Variants in SLC38A10 observed in about 807,000 individuals in gnomAD.
The protein encoded by SLC38A10 is solute carrier family 38 member 10, also known as Sodium-coupled neutral amino acid transporter 10.
In SLC38A10, 53 loss-of-function variants were observed where a neutral mutation model predicts 81.0. That is an observed-to-expected ratio of 0.65 (90% CI 0.53 to 0.82). The LOEUF is 0.82. Ranked by LOEUF, SLC38A10 falls within the 40% of genes least tolerant of loss-of-function variation. The probability of loss-of-function intolerance (pLI) is 0.00; values close to 1 mark genes in which losing one functional copy is unlikely to be tolerated. For missense variants in SLC38A10, 1,471 were observed against 1,545.0 expected (o/e 0.95, Z 0.80); for synonymous variants, 665 against 655.3 (o/e 1.01, Z -0.23).
chr17:81,248,531 A>G (rs6565548), intron 14 of SLC38A10, among the ~76,000 whole-genome samples: 79,941 of 152,238 alleles, frequency 0.53, 23,689 homozygotes, highest in African/African-American at 0.81. Flanking sequence ...AGCGGCTGTG[A>G]CTTATGTCAT....
intron 11 of SLC38A10, among the ~76,000 whole-genome samples, chr17:81,257,908 A>C (rs1157197720): frequency 6.6e-6 from 1 of 152,272 alleles, no homozygotes; most frequent in Non-Finnish European, 1.5e-5. Flanking sequence ...GGGGACCTGC[A>C]GCTCCAAGAA....
chr17:81,260,484 G>A, intron 10 of SLC38A10, 90 bp from the exon 11 acceptor site: 1 of 1,461,874 alleles, frequency 6.8e-7, no homozygotes, highest in Non-Finnish European at 9.1e-7. Context: ...GAGGCTCAGG[G>A]ACGGGGTGAG....
intron 8 of SLC38A10, among the ~76,000 whole-genome samples, chr17:81,275,350 C>T (rs961115446): frequency 5.3e-5 from 8 of 152,174 alleles, no homozygotes; most frequent in Non-Finnish European, 1.0e-4. Flanking sequence ...CAGGCACCAC[C>T]AATATGGCCT....
chr17:81,251,935 G>A (rs569648335), intron 13 of SLC38A10: 65 of 565,284 alleles, frequency 1.1e-4, no homozygotes, highest in African/African-American at 1.0e-3. Flanking sequence ...CCCCGTGTGC[G>A]CCCAGACACA....
intron 11 of SLC38A10, among the ~76,000 whole-genome samples, chr17:81,258,154 C>T (rs1476842082): frequency 1.3e-5 from 2 of 152,142 alleles, no homozygotes; most frequent in South Asian, 2.1e-4. Flanking sequence ...CCCAGGGCCA[C>T]GCAGGACTCT....
At chr17:81,272,140 C>G (rs1293727639) in intron 9 of SLC38A10, among the ~76,000 whole-genome samples, 1 of 151,874 alleles carries the variant, frequency 6.6e-6, no homozygotes, top group African/African-American at 2.4e-5. Flanking sequence ...TCAAGTGATT[C>G]TTTTGCCTCA....
At chr17:81,251,006 T>C (rs1281599795) in intron 14 of SLC38A10, 5 of 1,387,250 alleles carry the variant, frequency 3.6e-6, no homozygotes, top group Non-Finnish European at 4.7e-6. Context: ...AGCAGTGCTC[T>C]GGGCCAGGGC....
intron 5 of SLC38A10, among the ~76,000 whole-genome samples, 166 bp from the exon 6 acceptor site, chr17:81,280,899 A>G (rs1462302359): frequency 7.2e-6 from 1 of 139,698 alleles, no homozygotes; most frequent in Non-Finnish European, 1.6e-5. Context: ...TTGTGCCGCC[A>G]GCTGGAGGCA....
At chr17:81,262,880 A>G (rs2063035684) in intron 10 of SLC38A10, 1 of 152,248 alleles carries the variant, frequency 6.6e-6, no homozygotes, top group African/African-American at 2.4e-5. Context: ...AAACATCTCC[A>G]TGACTATAAT....
At chr17:81,255,073 C>T (rs554624654) in intron 11 of SLC38A10, among the ~76,000 whole-genome samples, 234 of 152,380 alleles carry the variant, frequency 1.5e-3, no homozygotes, top group Non-Finnish European at 2.6e-3. Flanking sequence ...GTGCAGGAGC[C>T]GCGGGACGGG....
At chr17:81,273,154 C>T (rs569029341) in intron 8 of SLC38A10, among the ~76,000 whole-genome samples, 1 of 152,322 alleles carries the variant, frequency 6.6e-6, no homozygotes, top group South Asian at 2.1e-4. Context: ...GAGAAGGGCA[C>T]GATGAGGCCC....
intron 11 of SLC38A10, among the ~76,000 whole-genome samples, chr17:81,257,374 G>A (rs559543398): frequency 7.8e-4 from 118 of 152,174 alleles, no homozygotes; most frequent in Non-Finnish European, 7.9e-4. Flanking sequence ...GAGATTCCAG[G>A]TGTGAGCTGC....
At position 81,253,256 on chromosome 17, in the gene SLC38A10, A is replaced by G. The variant is rs779214668; in HGVS notation, c.1289-16T>C. On this transcript the variant is annotated splice_polypyrimidine_tract_variant and intron_variant, in intron 11 of 15. Transcript: ENST00000374759. The surrounding 1 kb of genome is among the most constrained non-coding windows in gnomAD (Gnocchi z 4.1). ...GGATCCTGGGCTGGGAGCAGGGCAC[A>G]GTTAGGGAACTGCACTGCCAAGCAG... 4.3e-6 allele frequency: 7 copies of G among 1,613,040 alleles called. No homozygotes were observed. The highest frequency in any genetic ancestry group is 1.7e-4 in the Middle Eastern group (1 of 6,058).
chr17:81,246,670 T>A lies in SLC38A10; in HGVS notation c.2246A>T (p.Glu749Val). The change falls in exon 16 of 16, where the codon GAG (glutamate) becomes GTG (valine). Residue 749 changes from glutamate to valine, a missense_variant. By Grantham distance (121) the Glu-to-Val change is moderately radical (BLOSUM62 -2). Transcript: ENST00000374759. ...CGCTGCCCCGGGCTCTTGATGCACC[T>A]CCACTGCAAATGAAGTCGGTCATCA... The part of the protein sequence containing the change: ...EDEEDKPRQV[E>V]VHQEPGAAVP... 1 of 1,504,828 alleles carries A rather than the reference T, an allele frequency of 6.6e-7. No individual in the cohort carries two copies. The highest frequency in any genetic ancestry group is 8.9e-7 in the Non-Finnish European group (1 of 1,127,982). The allele number at this position is 1,504,828 out of a possible 1,614,324, so 93.2% of individuals were successfully genotyped here.
Position 81,253,378 on chromosome 17 carries a change from G to A in SLC38A10, c.1289-138C>T, listed in dbSNP as rs529769175. ...TCTTTTTCCTGTTCGATCATTAGCA[G>A]CTAAGTAGCACAGAAAACTGTCATT... On this transcript the variant is annotated intron_variant, in intron 11 of 15. Transcript: ENST00000374759. This position sits in a 1 kb window ranked among gnomAD's most constrained non-coding sequence, Gnocchi z 4.1. 24 of 1,044,256 alleles carry A rather than the reference G, an allele frequency of 2.3e-5. No homozygotes were observed. The African/African-American group carries it at 3.8e-4, about 17-fold the overall frequency. 64.7% of individuals were successfully genotyped at this position (1,044,256 alleles called of 1,614,324 possible).
intron 8 of SLC38A10, among the ~76,000 whole-genome samples, chr17:81,274,306 C>T (rs2063142254): frequency 6.6e-6 from 1 of 152,202 alleles, no homozygotes; most frequent in African/African-American, 2.4e-5. Flanking sequence ...GCCAGAGGCA[C>T]GTGGCTGGTG....
chr17:81,276,291 C>T lies in SLC38A10; in HGVS notation c.730-140G>A. The T allele has an allele frequency of 1.5e-6, 1 of 689,288 alleles. No individual in the cohort carries two copies. Among genetic ancestry groups the T allele is most frequent in the African/African-American group, 1.8e-5 (1 of 54,454 alleles). 42.7% of individuals were successfully genotyped at this position (689,288 alleles called of 1,614,324 possible). A position where few individuals can be genotyped will look rare whatever the true frequency, so the allele number is the denominator to read the frequency against. On this transcript the variant is annotated intron_variant, in intron 7 of 15. Coordinates refer to ENST00000374759, the MANE Select transcript of SLC38A10 (RefSeq NM_001037984.3). The surrounding 1 kb of genome is among the most constrained non-coding windows in gnomAD (Gnocchi z 4.7). ...AATCCACTTCATAATGAAGCTTCTG[C>T]AAGAGATGGCCTTCCAGGGGCAAGG...
intron 8 of SLC38A10, 88 bp from the exon 9 acceptor site, chr17:81,272,715 G>A: frequency 1.2e-6 from 1 of 852,974 alleles, no homozygotes; most frequent in Non-Finnish European, 1.7e-6. Context: ...GCTCTGCCAG[G>A]CACACCAGGC....
rs1295761022 is a variant in SLC38A10, at chr17:81,245,604, G to A, written c.3312C>T (p.Val1104=). The change falls in exon 16 of 16, where the codon GTC becomes GTT. Residue 1104 remains valine, a synonymous_variant. Coordinates refer to ENST00000374759, the MANE Select transcript of SLC38A10 (RefSeq NM_001037984.3). ...RQAAGGALQV[V]HSRQLRQAPG... ...GCGCCTGTCTAAGCTGCCGGCTGTG[G>A]ACCACCTGCAGAGCTCCCCCCGCAG... 1.2e-6 allele frequency: 2 copies of A among 1,611,968 alleles called. No homozygotes were observed. Among genetic ancestry groups the A allele is most frequent in the East Asian group, 2.2e-5 (1 of 44,862 alleles).
Sources: allele counts gnomAD v4.1 joint callset (sites outside exome capture counted in the v4.1 genomes callset), GRCh38; gene constraint gnomAD v4.1.1; non-coding constraint Gnocchi (gnomAD v3.1); transcripts MANE v1.5; gene names NCBI Gene and HGNC (gene_info 2026-07-23, HGNC 2026-07-21).